Variants in PLEKHA8 observed in about 807,000 individuals in gnomAD.
PLEKHA8 encodes the protein pleckstrin homology domain containing A8, also known as pleckstrin homology domain-containing family A member 8.
PLEKHA8 carries 36 observed loss-of-function variants against 68.2 expected under a neutral mutation model. The observed-to-expected ratio is 0.53, with a 90% CI of 0.40 to 0.70. The LOEUF (loss-of-function observed/expected upper bound fraction) is 0.70. PLEKHA8 is among the 30% of genes least tolerant of loss of function. The pLI is 0.00. For synonymous variants in PLEKHA8, 211 were observed against 216.1 expected (o/e 0.98, Z 0.20); for missense variants, 505 against 615.4 (o/e 0.82, Z 1.90).
chr7:30,082,843 C>CTT lies in PLEKHA8; in HGVS notation c.*4056_*4057insTT. ...GAGTCAGAGGGTCATGAGCAATAGA[C>CTT]GATGATGCGAGGCATTTGGGGAGCT... is the stretch of plus-strand genomic sequence containing the variant. On this transcript the variant is annotated 3_prime_UTR_variant, in exon 14 of 14. Transcript: ENST00000449726. 1.0e-6 allele frequency: 1 copy of CTT among 985,148 alleles called. No homozygotes were observed. The highest frequency in any genetic ancestry group is 1.2e-6 in the Non-Finnish European group (1 of 829,876). 61.0% of individuals were successfully genotyped at this position (985,148 alleles called of 1,614,324 possible).
intron 1 of PLEKHA8, among the ~76,000 whole-genome samples, chr7:30,032,859 C>T (rs1445431807): frequency 6.6e-6 from 1 of 152,194 alleles, no homozygotes; most frequent in Admixed American, 6.5e-5. Flanking sequence ...TTGTGAACTC[C>T]AGCCAGCCGA....
intron 12 of PLEKHA8, among the ~76,000 whole-genome samples, chr7:30,068,216 T>G (rs777612008): frequency 4.1e-4 from 63 of 152,326 alleles, no homozygotes; most frequent in Non-Finnish European, 4.9e-4. Flanking sequence ...AGTTCCCAGG[T>G]GATGCTGAGG....
At chr7:30,048,650 A>C (rs1470904578) in intron 4 of PLEKHA8, among the ~76,000 whole-genome samples, 1 of 152,246 alleles carries the variant, frequency 6.6e-6, no homozygotes, top group Admixed American at 6.5e-5. Context: ...AGAAGTTTCG[A>C]TCTGACAGTG....
At chr7:30,106,017 T>A (rs569149804) in intron 13 of PLEKHA8, among the ~76,000 whole-genome samples, 1 of 152,246 alleles carries the variant, frequency 6.6e-6, no homozygotes, top group Non-Finnish European at 1.5e-5. Flanking sequence ...TTTTTCCTAA[T>A]AATTTTGTAG....
chr7:30,035,160 CAGAG>C (rs1790973102), intron 1 of PLEKHA8, among the ~76,000 whole-genome samples: 3 of 152,228 alleles, frequency 2.0e-5, no homozygotes, highest in African/African-American at 7.2e-5. Context: ...AGGTTGGAGT[CAGAG>C]AGCCCTGAGT....
At chr7:30,041,710 A>G (rs908550608) in intron 1 of PLEKHA8, among the ~76,000 whole-genome samples, 2 of 152,112 alleles carry the variant, frequency 1.3e-5, no homozygotes, top group Non-Finnish European at 2.9e-5. Context: ...GCTGCTTTCA[A>G]AATTTACTGC....
chr7:30,056,312 C>CTCTCTATATA (rs796845171), intron 9 of PLEKHA8, among the ~76,000 whole-genome samples: 1,571 of 94,478 alleles, frequency 0.017, 40 homozygotes, highest in East Asian at 0.034. Context: ...CTCTCTCTCT[C>CTCTCTATATA]TATATATATA....
At chr7:30,093,776 G>C (rs535816609), downstream of PLEKHA8, among the ~76,000 whole-genome samples, 2 of 152,186 alleles carry the variant, frequency 1.3e-5, no homozygotes, top group African/African-American at 4.8e-5. Flanking sequence ...CCGCATGCAT[G>C]GGTACTCAGC....
chr7:30,058,896 G>A (rs887793253), intron 9 of PLEKHA8, among the ~76,000 whole-genome samples: 7 of 152,244 alleles, frequency 4.6e-5, no homozygotes, highest in African/African-American at 1.4e-4. Context: ...GGAGGCCAAG[G>A]CAGGAGGATC....
rs571520265 is a variant in PLEKHA8, at chr7:30,063,144, C to G, written c.1300+402C>G. Among the ~76,000 whole-genome samples, 38 of 152,308 alleles carry G rather than the reference C, an allele frequency of 2.5e-4. No individual in the cohort carries two copies. The Middle Eastern group carries it at 0.014, about 55-fold the overall frequency. On this transcript the variant is annotated intron_variant, in intron 12 of 13. Coordinates refer to ENST00000449726, the MANE Select transcript of PLEKHA8 (RefSeq NM_001197026.2). Reference sequence around the variant, plus strand: ...CGTGGGGGAATCCCAGGGATTTGTTCTGGAGTAAGAGTAAAGGTTTTCGTC... The same window carrying G: ...CGTGGGGGAATCCCAGGGATTTGTTGTGGAGTAAGAGTAAAGGTTTTCGTC...
rs1794854298 is a variant in PLEKHA8, at chr7:30,080,214, GTTTCATAAAACAATA to G, written c.*1430_*1444del. The G allele has an allele frequency of 1.0e-6, 1 of 985,252 alleles. No homozygotes were observed. Among genetic ancestry groups the G allele is most frequent in the African/African-American group, 1.7e-5 (1 of 57,224 alleles). The allele number at this position is 985,252 out of a possible 1,614,324, so 61.0% of individuals were successfully genotyped here. Reference sequence around the variant, plus strand: ...AACTTCTTAAAACTTAAGAAACATTGTTTCATAAAACAATATTGAGTGGGCATTCTTCTGCACAGT... The same window carrying G: ...AACTTCTTAAAACTTAAGAAACATTGTTGAGTGGGCATTCTTCTGCACAGT... On this transcript the variant is annotated 3_prime_UTR_variant, in exon 14 of 14. Transcript: ENST00000449726.
intron 13 of PLEKHA8, among the ~76,000 whole-genome samples, chr7:30,119,853 A>G (rs1034535675): frequency 1.3e-5 from 2 of 152,180 alleles, no homozygotes; most frequent in Admixed American, 6.5e-5. Flanking sequence ...TTTAGGATGT[A>G]TTTATGTGCT....
intron 1 of PLEKHA8, among the ~76,000 whole-genome samples, chr7:30,029,510 A>C (rs181144599): frequency 1.3e-5 from 2 of 152,300 alleles, no homozygotes; most frequent in Admixed American, 6.5e-5. Flanking sequence ...TAAAAGCTTC[A>C]TATCTTGAGA....
At chr7:30,045,357 C>T (rs1393937884) in intron 2 of PLEKHA8, among the ~76,000 whole-genome samples, 156 bp downstream of exon 2, 1 of 152,186 alleles carries the variant, frequency 6.6e-6, no homozygotes, top group Non-Finnish European at 1.5e-5. Flanking sequence ...GCAAATACAA[C>T]CCAAAACTGT....
intron 12 of PLEKHA8, among the ~76,000 whole-genome samples, chr7:30,069,192 G>A (rs757059349): frequency 6.6e-6 from 1 of 152,176 alleles, no homozygotes; most frequent in Non-Finnish European, 1.5e-5. Context: ...GTGCCTATCT[G>A]TTTCCCACCA....
At chr7:30,115,274 A>G (rs1183093327) in intron 13 of PLEKHA8, among the ~76,000 whole-genome samples, 1 of 152,210 alleles carries the variant, frequency 6.6e-6, no homozygotes, top group African/African-American at 2.4e-5. Context: ...CTTTAAAAAA[A>G]GTATGATGTT....
intron 13 of PLEKHA8, among the ~76,000 whole-genome samples, chr7:30,111,681 A>G (rs562847952): frequency 1.2e-3 from 178 of 151,692 alleles, no homozygotes; most frequent in African/African-American, 3.8e-3. Context: ...ATAGTGTGGC[A>G]GAGTCATCAC....
rs546595287 is a variant in PLEKHA8 at position 30,098,011 on chromosome 7, A to G, written c.1362+23879A>G. ...ACGTACAGATGGATTTTTGGTGTGG[A>G]TGTCCTTTCTGTTTGTTAGTTTTCC... On this transcript the variant is annotated intron_variant, in intron 13 of 13. Transcript: ENST00000396257. 2.0e-5 allele frequency among the ~76,000 whole-genome samples: 3 copies of G among 152,236 alleles called. 1 individual carries two copies. The South Asian group carries it at 6.2e-4, about 32-fold the overall frequency.
intron 1 of PLEKHA8, among the ~76,000 whole-genome samples, chr7:30,039,602 CTTTCAT>C (rs1791368710): frequency 6.6e-6 from 1 of 152,094 alleles, no homozygotes; most frequent in Non-Finnish European, 1.5e-5. Context: ...TGTTTTCTAA[CTTTCAT>C]TTTCAGATTT....
Sources: gnomAD v4.1 joint callset for allele counts (sites outside exome capture counted in the v4.1 genomes callset) on GRCh38, gnomAD v4.1.1 for gene constraint, MANE v1.5 for transcripts, NCBI Gene and HGNC (gene_info 2026-07-23, HGNC 2026-07-21) for gene names.